LMNTD1: variants seen among roughly 807,000 people sequenced by gnomAD.
LMNTD1 encodes the protein lamin tail domain-containing protein 1.
Under a neutral mutation model 50.9 loss-of-function variants are expected in LMNTD1, and 35 were observed. The ratio of observed to expected loss-of-function variants is 0.69; its 90% CI spans 0.53 to 0.91. The LOEUF is 0.91. Among genes scored for constraint, LMNTD1 ranks in the 40% least tolerant of loss-of-function variants. The pLI, the probability that LMNTD1 is intolerant of heterozygous loss-of-function variation, is 0.00. For missense variants in LMNTD1, 470 were observed against 475.5 expected (o/e 0.99, Z 0.11); for synonymous variants, 153 against 161.9 (o/e 0.94, Z 0.42).
chr12:25,625,824 T>G (rs1459352396), intron 1 of LMNTD1, among the ~76,000 whole-genome samples: 1 of 152,082 alleles, frequency 6.6e-6, no homozygotes, highest in Non-Finnish European at 1.5e-5. Flanking sequence ...CCCCAGAGCC[T>G]GGGATGGCAC....
chr12:25,493,578 A>G (rs1291401635), intron 9 of LMNTD1, among the ~76,000 whole-genome samples: 5 of 152,234 alleles, frequency 3.3e-5, no homozygotes, highest in African/African-American at 4.8e-5. Context: ...TCAGGATTCA[A>G]TGGGTCCACC....
intron 3 of LMNTD1, chr12:25,547,358 A>G (rs1943494176): frequency 6.1e-6 from 1 of 163,314 alleles, no homozygotes. Flanking sequence ...TTTCCTGAAC[A>G]TAAAATAAAG....
At chr12:25,623,277 C>A (rs533318966) in intron 1 of LMNTD1, among the ~76,000 whole-genome samples, 3 of 151,698 alleles carry the variant, frequency 2.0e-5, no homozygotes, top group Non-Finnish European at 4.4e-5. Flanking sequence ...AGGTCAGGCA[C>A]GGTGGCTCAT....
intron 1 of LMNTD1, among the ~76,000 whole-genome samples, chr12:25,644,320 A>G (rs1947017055): frequency 6.7e-6 from 1 of 150,366 alleles, no homozygotes; most frequent in South Asian, 2.1e-4. Flanking sequence ...CTACAAAAAA[A>G]AAAAAAAAAA....
chr12:25,608,770 A>C (rs1317904284), intron 1 of LMNTD1, among the ~76,000 whole-genome samples: 1 of 152,032 alleles, frequency 6.6e-6, no homozygotes. Flanking sequence ...CCTTCATTTC[A>C]ACCTTGGTGA....
At chr12:25,622,476 C>CT (rs5797142) in intron 1 of LMNTD1, among the ~76,000 whole-genome samples, 11 of 141,500 alleles carry the variant, frequency 7.8e-5, no homozygotes, top group African/African-American at 2.0e-4. Flanking sequence ...CGCCCCCCCC[C>CT]GCAAAATAAT....
At position 25,552,892 on chromosome 12, in the gene LMNTD1, T is replaced by C. The variant is rs1943853189; in HGVS notation, c.68A>G (p.Asp23Gly). ...AMQNKVHEQE[D>G]KNEKQKQRED... The stretch of plus-strand genomic sequence containing the variant: ...TCACTGTTTTTGTTTCTCATTCTTA[T>C]CTTCCTGCTCATGGACTTTATTCTG... Residue 23 changes from aspartate to glycine, a missense_variant, in exon 2 of 10, where the codon GAT becomes GGT. Transcript: ENST00000458174. 1.3e-6 allele frequency: 2 copies of C among 1,550,110 alleles called. No individual in the cohort carries two copies. Among genetic ancestry groups the C allele is most frequent in the Non-Finnish European group, 1.7e-6 (2 of 1,145,098 alleles).
At chr12:25,590,120 T>G (rs138224404) in intron 1 of LMNTD1, among the ~76,000 whole-genome samples, 395 of 144,502 alleles carry the variant, frequency 2.7e-3, no homozygotes, top group South Asian at 0.016. Flanking sequence ...CAATACTTGG[T>G]TCTAACTTCA....
At chr12:25,519,587 CAAAA>C (rs58304861) in intron 7 of LMNTD1, among the ~76,000 whole-genome samples, 3 of 94,716 alleles carry the variant, frequency 3.2e-5, no homozygotes, top group African/African-American at 1.5e-4. Context: ...GACTCTGTCT[CAAAA>C]AAAAAAAAAA....
chr12:25,647,491 A>G (rs974411453), intron 1 of LMNTD1, among the ~76,000 whole-genome samples: 1 of 152,220 alleles, frequency 6.6e-6, no homozygotes, highest in Non-Finnish European at 1.5e-5. Context: ...TCCTGTATTA[A>G]AAAATAATAA....
upstream of LMNTD1, among the ~76,000 whole-genome samples, chr12:25,556,398 C>T (rs945643080): frequency 1.3e-5 from 2 of 152,196 alleles, no homozygotes; most frequent in Admixed American, 6.5e-5. Context: ...CAGTAAATGG[C>T]AGAGCCAAGA....
intron 9 of LMNTD1, among the ~76,000 whole-genome samples, chr12:25,484,905 T>C (rs931440548): frequency 1.1e-4 from 17 of 149,280 alleles, no homozygotes; most frequent in African/African-American, 4.2e-4. Flanking sequence ...AGTCTATCAT[T>C]GTTGGACATT....
At chr12:25,538,905 A>C (rs1942836734) in intron 4 of LMNTD1, among the ~76,000 whole-genome samples, 1 of 140,466 alleles carries the variant, frequency 7.1e-6, no homozygotes, top group African/African-American at 2.6e-5. Context: ...GAAAACAAAA[A>C]AAGGCAGGGG....
chr12:25,512,928 A>G (rs913102976), intron 8 of LMNTD1, among the ~76,000 whole-genome samples: 2 of 152,042 alleles, frequency 1.3e-5, no homozygotes, highest in African/African-American at 2.4e-5. Context: ...TTTATTGCCC[A>G]TGAGTGGTTT....
intron 4 of LMNTD1, among the ~76,000 whole-genome samples, chr12:25,533,506 T>C (rs76164971): frequency 0.67 from 101,491 of 151,664 alleles, 34,323 homozygotes; most frequent in Admixed American, 0.73. Flanking sequence ...TTTAGGTTTT[T>C]TGATATTCTG....
At chr12:25,481,050 C>T (rs1370165340) in intron 9 of LMNTD1, among the ~76,000 whole-genome samples, 1 of 150,368 alleles carries the variant, frequency 6.7e-6, no homozygotes. Flanking sequence ...ATACCCCCCT[C>T]TTATTCCTCC....
chr12:25,622,192 GT>G (rs1295839284), intron 1 of LMNTD1, among the ~76,000 whole-genome samples: 2 of 152,170 alleles, frequency 1.3e-5, no homozygotes, highest in African/African-American at 4.8e-5. Flanking sequence ...GGAGTCAAGA[GT>G]TTGGGTTTCG....
chr12:25,581,949 G>A (rs566909836), intron 1 of LMNTD1, among the ~76,000 whole-genome samples: 233 of 152,290 alleles, frequency 1.5e-3, no homozygotes, highest in African/African-American at 2.9e-3. Context: ...ATCATTGATC[G>A]AAAGATCTTT....
At chr12:25,635,425 C>T (rs1946810771) in intron 1 of LMNTD1, among the ~76,000 whole-genome samples, 1 of 152,022 alleles carries the variant, frequency 6.6e-6, no homozygotes, top group African/African-American at 2.4e-5. Flanking sequence ...ATATACCTAA[C>T]CAAGGAATTG....
Sources: allele counts gnomAD v4.1 joint callset (sites outside exome capture counted in the v4.1 genomes callset), GRCh38; gene constraint gnomAD v4.1.1; transcripts MANE v1.5; gene names NCBI Gene and HGNC (gene_info 2026-07-23, HGNC 2026-07-21).